MSH6: variants seen among roughly 807,000 people sequenced by gnomAD.
MSH6 encodes mutS homolog 6, also known as DNA mismatch repair protein Msh6.
MSH6 carries 85 observed loss-of-function variants against 119.1 expected under a neutral mutation model. That is an observed-to-expected ratio of 0.71 (90% confidence interval 0.60 to 0.85). The LOEUF is 0.85. Ranked by LOEUF, MSH6 falls within the 40% of genes least tolerant of loss-of-function variation. The probability of loss-of-function intolerance (pLI) is 0.00; values close to 1 mark genes in which losing one functional copy is unlikely to be tolerated. For missense variants in MSH6, 2,163 were observed against 1,655.3 expected (o/e 1.31, Z -5.32); for synonymous variants, 830 against 586.9 (o/e 1.41, Z -5.99).
In MSH6 at chr2:47,805,769, A is replaced by C. The variant is rs565682904; in HGVS notation, c.3646+62A>C. 8 of 1,232,266 alleles carry C rather than the reference A, an allele frequency of 6.5e-6. No individual in the cohort carries two copies. In the East Asian group the frequency reaches 7.0e-5, roughly 11 times the overall value. 76.3% of individuals were successfully genotyped at this position (1,232,266 alleles called of 1,614,324 possible). A position where few individuals can be genotyped will look rare whatever the true frequency, so the allele number is the denominator to read the frequency against. Reference sequence around the variant, plus strand: ...CTTAAAAACATTTGTACAAATAACTATTTTTATAGAAGATTATCTGAAGTA... The same window carrying C: ...CTTAAAAACATTTGTACAAATAACTCTTTTTATAGAAGATTATCTGAAGTA... On this transcript the variant is annotated intron_variant, in intron 7 of 9. Transcript: ENST00000234420.
rs1225209597 is a variant in MSH6, at chr2:47,783,223, C to A, written c.-11C>A. 5 of 1,611,084 alleles carry A rather than the reference C, an allele frequency of 3.1e-6. No individual in the cohort carries two copies. Among genetic ancestry groups the A allele is most frequent in the Non-Finnish European group, 3.4e-6 (4 of 1,179,314 alleles). On this transcript the variant is annotated 5_prime_UTR_variant, in exon 1 of 10. Coordinates refer to ENST00000234420, the MANE Select transcript of MSH6 (RefSeq NM_000179.3). ...GTCCGACAGAACGGTTGGGCCTTGCCGGCTGTCGGTATGTCGCGACAGAGC... is the reference window on the plus strand; with the variant it reads ...GTCCGACAGAACGGTTGGGCCTTGCAGGCTGTCGGTATGTCGCGACAGAGC...
intron 1 of MSH6, among the ~76,000 whole-genome samples, chr2:47,788,922 G>GTTTTGTTTTTTTTTTTTTT (rs1668541073): frequency 4.9e-5 from 2 of 40,932 alleles, no homozygotes; most frequent in African/African-American, 2.0e-4. Flanking sequence ...TTTTTTTTTT[G>GTTTTGTTTTTTTTTTTTTT]TTTTTTTTTT....
At position 47,795,968 on chromosome 2, in the gene MSH6, C is replaced by T. The variant is rs730881813; in HGVS notation, c.532C>T (p.Arg178Cys). The T allele has an allele frequency of 3.2e-5, 52 of 1,613,940 alleles. No homozygotes were observed. In the East Asian group the frequency reaches 7.1e-4, roughly 22 times the overall value. The change falls in exon 3 of 10, where the codon CGT becomes TGT. Residue 178 changes from arginine (R) to cysteine (C), a missense_variant. Coordinates refer to ENST00000234420, the MANE Select transcript of MSH6 (RefSeq NM_000179.3). Reference protein sequence around the residue: ...AKPEILRAMQRADEALNKDKI... With the variant: ...AKPEILRAMQCADEALNKDKI... ...GCCTGAAATACTGAGAGCAATGCAA[C>T]GTGCAGATGAAGCCTTAAATAAAGA...
At chr2:47,798,109 G>A (rs1572719030) in intron 3 of MSH6, 3 of 182,470 alleles carry the variant, frequency 1.6e-5, no homozygotes, top group East Asian at 1.4e-4. Flanking sequence ...TTTCCACCAC[G>A]TTTGCAGGAG....
chr2:47,806,999 T>TATCTA (rs1670252213), downstream of MSH6: 1 of 707,984 alleles, frequency 1.4e-6, no homozygotes, highest in Admixed American at 2.3e-5. Flanking sequence ...TTTTAATTCT[T>TATCTA]ATCTACCTTC....
rs1572697767 is a variant in MSH6 at position 47,783,259 on chromosome 2, G to T, written c.26G>T (p.Ser9Ile). Residue 9 changes from serine to isoleucine, a missense_variant, in exon 1 of 10, where the codon AGC (serine) becomes ATC (isoleucine). Transcript: ENST00000234420. MSRQSTLY[S>I]FFPKSPALSD... The stretch of plus-strand genomic sequence containing the variant: ...ATGTCGCGACAGAGCACCCTGTACA[G>T]CTTCTTCCCCAAGTCTCCGGCGCTG... The T allele has an allele frequency of 6.2e-7, 1 of 1,612,182 alleles. No homozygotes were observed. The highest frequency in any genetic ancestry group is 8.5e-7 in the Non-Finnish European group (1 of 1,179,586).
Position 47,800,357 on chromosome 2 carries a change from C to T in MSH6, c.2374C>T (p.Leu792=), listed in dbSNP as rs1478046202. Residue 792 remains leucine, a synonymous_variant, in exon 4 of 10, where the codon CTA becomes TTA. Coordinates refer to ENST00000234420, the MANE Select transcript of MSH6 (RefSeq NM_000179.3). ...TAACCATTATGCTATTAATGATCGT[C>T]TAGATGCCATAGAAGACCTCATGGT... The part of the protein sequence containing the change: ...LCNHYAINDR[L]DAIEDLMVVP... The T allele has an allele frequency of 6.2e-6, 10 of 1,614,086 alleles. No individual in the cohort carries two copies. The highest frequency in any genetic ancestry group is 7.6e-6 in the Non-Finnish European group (9 of 1,180,014).
intron 1 of MSH6, among the ~76,000 whole-genome samples, chr2:47,788,934 T>TTTTTTTTTTTTTG (rs1668553965): frequency 3.1e-4 from 31 of 99,642 alleles, no homozygotes; most frequent in Non-Finnish European, 4.7e-4. Context: ...TTTTTTTTTT[T>TTTTTTTTTTTTTG]TTTTTTTTTT....
intron 2 of MSH6, among the ~76,000 whole-genome samples, chr2:47,795,452 A>AT (rs1214159757): frequency 8.5e-6 from 1 of 117,428 alleles, no homozygotes; most frequent in African/African-American, 2.7e-5. Flanking sequence ...GTGTGTGTAT[A>AT]CATATATACA....
Position 47,799,218 on chromosome 2 carries a change from A to G in MSH6, c.1235A>G (p.Lys412Arg), listed in dbSNP as rs587781508. ...FLNSCTPGMR[K>R]WWQIKSQNFD... ...AATTCTTGTACTCCTGGGATGAGGA[A>G]GTGGTGGCAGATTAAGTCTCAGAAC... Residue 412 changes from lysine (K) to arginine (R), a missense_variant, in exon 4 of 10, where the codon AAG (lysine) becomes AGG (arginine). Transcript: ENST00000234420. 6.2e-7 allele frequency: 1 copy of G among 1,614,156 alleles called. No homozygotes were observed. The highest frequency in any genetic ancestry group is 2.2e-5 in the East Asian group (1 of 44,886).
chr2:47,807,859 A>C, downstream of MSH6: 1 of 350,292 alleles, frequency 2.9e-6, no homozygotes, highest in Non-Finnish European at 5.2e-6. Flanking sequence ...ATCTGTACAA[A>C]ATTGCAGCTT....
intron 4 of MSH6, 192 bp downstream of exon 4, chr2:47,801,347 T>C: frequency 2.3e-6 from 1 of 429,042 alleles, no homozygotes; most frequent in Non-Finnish European, 4.2e-6. Flanking sequence ...TAGTAGCCCT[T>C]TGGCCTTTCT....
chr2:47,808,409 G>C (rs1249158667), downstream of MSH6: 3 of 1,598,254 alleles, frequency 1.9e-6, no homozygotes, highest in Non-Finnish European at 2.6e-6. Context: ...TTCGATCTGT[G>C]GTGTTACAAG....
intron 1 of MSH6, among the ~76,000 whole-genome samples, chr2:47,785,274 C>G (rs1668283516): frequency 6.6e-6 from 1 of 152,196 alleles, no homozygotes; most frequent in Non-Finnish European, 1.5e-5. Flanking sequence ...GTCGCCCAGG[C>G]TGGAGTGCTG....
intron 4 of MSH6, among the ~76,000 whole-genome samples, chr2:47,802,578 C>G (rs376928411): frequency 4.7e-4 from 71 of 151,392 alleles, no homozygotes; most frequent in Admixed American, 9.9e-4. Flanking sequence ...AGCGATCTGC[C>G]CGCCTTGATC....
intron 1 of MSH6, among the ~76,000 whole-genome samples, chr2:47,788,906 C>T (rs913855472): frequency 0.013 from 205 of 15,798 alleles, 5 homozygotes; most frequent in Non-Finnish European, 0.015. Context: ...CTTTCTTCTT[C>T]CTTTTTTTTT....
downstream of MSH6, chr2:47,809,692 T>A: frequency 6.2e-7 from 1 of 1,612,992 alleles, no homozygotes; most frequent in Non-Finnish European, 8.5e-7. Flanking sequence ...AGTTGCGTGA[T>A]TTGTAATTTC....
At chr2:47,783,793 C>G (rs958950959) in intron 1 of MSH6, 3 of 480,930 alleles carry the variant, frequency 6.2e-6, no homozygotes, top group Non-Finnish European at 8.4e-6. Flanking sequence ...GGGTGCTGGG[C>G]TAAGGAAGGG....
downstream of MSH6, chr2:47,809,503 T>C (rs984018547): frequency 1.0e-5 from 9 of 896,436 alleles, no homozygotes; most frequent in Non-Finnish European, 1.4e-5. Context: ...TGTTGCTAAC[T>C]TGGAGAGTGA....
Sources: allele counts gnomAD v4.1 joint callset (sites outside exome capture counted in the v4.1 genomes callset), GRCh38; gene constraint gnomAD v4.1.1; transcripts MANE v1.5; gene names NCBI Gene and HGNC (gene_info 2026-07-23, HGNC 2026-07-21).